ROBO1: variants seen among roughly 807,000 people sequenced by gnomAD.
The protein encoded by ROBO1 is roundabout homolog 1.
Under a neutral mutation model 195.9 loss-of-function variants are expected in ROBO1, and 149 were observed. The observed-to-expected ratio is 0.76, with a 90% CI of 0.67 to 0.87. The LOEUF is 0.87. Ranked by LOEUF, ROBO1 falls within the 40% of genes least tolerant of loss-of-function variation. The pLI is 0.00. For missense variants in ROBO1, 1,933 were observed against 2,068.3 expected, an observed-to-expected ratio of 0.93 and a Z score of 1.27; for synonymous variants, 816 against 733.2, an observed-to-expected ratio of 1.11 and a Z score of -1.82.
intron 4 of ROBO1, among the ~76,000 whole-genome samples, chr3:78,900,898 A>T (rs1346998366): frequency 6.6e-6 from 1 of 152,224 alleles, no homozygotes; most frequent in Non-Finnish European, 1.5e-5. Context: ...TTAATTTGAC[A>T]GAAGTTACAA....
intron 4 of ROBO1, among the ~76,000 whole-genome samples, chr3:78,753,443 G>A (rs1368073130): frequency 1.3e-5 from 2 of 152,124 alleles, no homozygotes; most frequent in African/African-American, 4.8e-5. Flanking sequence ...ACAAAGAGAA[G>A]GTAAGTTTGG....
chr3:78,869,648 G>A (rs2035425262), intron 4 of ROBO1, among the ~76,000 whole-genome samples: 1 of 151,756 alleles, frequency 6.6e-6, no homozygotes, highest in Non-Finnish European at 1.5e-5. Context: ...TTTGGTAGAG[G>A]CCGTCTCACT....
intron 2 of ROBO1, among the ~76,000 whole-genome samples, chr3:79,318,738 A>G (rs1202106678): frequency 6.6e-6 from 1 of 152,184 alleles, no homozygotes; most frequent in Non-Finnish European, 1.5e-5. Context: ...ATACATCTAG[A>G]CACACATAAA....
chr3:79,308,227 A>G (rs2033312201), intron 2 of ROBO1, among the ~76,000 whole-genome samples: 1 of 152,168 alleles, frequency 6.6e-6, no homozygotes, highest in African/African-American at 2.4e-5. Flanking sequence ...TTTTGTTTGC[A>G]ATGTAAAGAG....
At chr3:79,287,419 T>C (rs1016650966) in intron 2 of ROBO1, among the ~76,000 whole-genome samples, 2 of 152,154 alleles carry the variant, frequency 1.3e-5, no homozygotes, top group Non-Finnish European at 2.9e-5. Context: ...ATAATTCTCC[T>C]TTACTTTCTA....
chr3:79,081,439 C>G (rs1341718530), intron 3 of ROBO1, among the ~76,000 whole-genome samples: 1 of 152,094 alleles, frequency 6.6e-6, no homozygotes, highest in African/African-American at 2.4e-5. Context: ...AAGTTCAGTT[C>G]TGGAAAAAGA....
At chr3:79,250,832 A>T (rs1367378617) in intron 2 of ROBO1, among the ~76,000 whole-genome samples, 1 of 151,994 alleles carries the variant, frequency 6.6e-6, no homozygotes, top group African/African-American at 2.4e-5. Context: ...AGGCAGGTGG[A>T]TCACTTGAGG....
In ROBO1 at chr3:79,246,117, T is replaced by C. The variant is rs187639230; in HGVS notation, c.89-120578A>G. 2.9e-3 allele frequency among the ~76,000 whole-genome samples: 441 copies of C among 152,266 alleles called. 2 individuals are homozygous for C. Among genetic ancestry groups the C allele is most frequent in the Admixed American group, 3.6e-3 (55 of 15,284 alleles). On this transcript the variant is annotated intron_variant, in intron 2 of 30. Coordinates refer to ENST00000464233, the MANE Select transcript of ROBO1 (RefSeq NM_002941.4). ...TTGCTGACACTAATTTGTGTACCTA[T>C]ATGGATGCTGCATTTTATTTTGGAT...
At chr3:79,066,118 C>T (rs1178729538) in intron 3 of ROBO1, among the ~76,000 whole-genome samples, 3 of 151,844 alleles carry the variant, frequency 2.0e-5, no homozygotes, top group Non-Finnish European at 4.4e-5. Context: ...TGAGCTACAA[C>T]ATGAGAGAGT....
At chr3:79,317,377 T>C (rs2033781669) in intron 2 of ROBO1, among the ~76,000 whole-genome samples, 1 of 151,194 alleles carries the variant, frequency 6.6e-6, no homozygotes, top group Non-Finnish European at 1.5e-5. Flanking sequence ...GTAGATTTTG[T>C]AGTAATCTCT....
chr3:79,176,521 G>T (rs1338131897), intron 2 of ROBO1, among the ~76,000 whole-genome samples: 1 of 152,144 alleles, frequency 6.6e-6, no homozygotes, highest in Non-Finnish European at 1.5e-5. Flanking sequence ...GCAGTGGCAT[G>T]ATCTCAGCTC....
rs550206993 is a variant in ROBO1, at chr3:79,353,998, C to T, written c.89-228459G>A. Among the ~76,000 whole-genome samples the T allele has an allele frequency of 3.0e-4, 46 of 151,842 alleles. 2 individuals carry two copies. In the East Asian group the frequency reaches 8.8e-3, roughly 29 times the overall value. On this transcript the variant is annotated intron_variant, in intron 2 of 30. Transcript: ENST00000464233. ...AGGTGGAGGTTGCAGTCAGCTGAGACCCCACCATTGCACTCCAGCCTGGGC... is the reference window on the plus strand; with the variant it reads ...AGGTGGAGGTTGCAGTCAGCTGAGATCCCACCATTGCACTCCAGCCTGGGC...
intron 1 of ROBO1, among the ~76,000 whole-genome samples, chr3:79,694,327 ATC>A (rs1467912199): frequency 5.9e-5 from 9 of 151,930 alleles, no homozygotes; most frequent in Middle Eastern, 3.4e-3. Flanking sequence ...CTATTTACTT[ATC>A]TCTTTTAGGT....
intron 2 of ROBO1, among the ~76,000 whole-genome samples, chr3:79,474,074 C>T (rs1938424322): frequency 6.6e-6 from 1 of 152,080 alleles, no homozygotes; most frequent in Non-Finnish European, 1.5e-5. Flanking sequence ...CAGATAAGGA[C>T]AGTGACCTGT....
chr3:79,375,969 G>A (rs2036367877), intron 2 of ROBO1, among the ~76,000 whole-genome samples: 3 of 152,180 alleles, frequency 2.0e-5, no homozygotes, highest in Non-Finnish European at 2.9e-5. Context: ...AGAAATTAGA[G>A]GCCAGGTGAT....
intron 1 of ROBO1, among the ~76,000 whole-genome samples, chr3:79,590,756 G>A (rs1476052591): frequency 1.3e-5 from 2 of 151,120 alleles, no homozygotes; most frequent in Non-Finnish European, 3.0e-5. Context: ...AAAGTAAGAT[G>A]GTATGTATAT....
chr3:79,609,254 C>A (rs2107908916), intron 1 of ROBO1, among the ~76,000 whole-genome samples: 1 of 151,178 alleles, frequency 6.6e-6, no homozygotes. Context: ...AATTGTTTGT[C>A]TTGCTAGCAA....
chr3:78,909,520 G>A (rs1417449706), intron 4 of ROBO1, among the ~76,000 whole-genome samples: 2 of 151,742 alleles, frequency 1.3e-5, no homozygotes, highest in African/African-American at 4.8e-5. Context: ...CGTGTTTCAA[G>A]CATAACAAGC....
At chr3:79,531,529 A>C (rs1941662220) in intron 2 of ROBO1, among the ~76,000 whole-genome samples, 1 of 152,298 alleles carries the variant, frequency 6.6e-6, no homozygotes, top group Non-Finnish European at 1.5e-5. Context: ...ATGCTGAGGA[A>C]TGAAAAAAAT....
Sources: gnomAD v4.1 joint callset for allele counts (sites outside exome capture counted in the v4.1 genomes callset) on GRCh38, gnomAD v4.1.1 for gene constraint, MANE v1.5 for transcripts, NCBI Gene and HGNC (gene_info 2026-07-23, HGNC 2026-07-21) for gene names.